The following SPIDR variants were observed in gnomAD, a reference collection of about 807,000 sequenced individuals.
SPIDR encodes the protein scaffold protein involved in DNA repair.
A neutral mutation model predicts 104.6 loss-of-function variants in SPIDR; 93 were observed. The observed-to-expected ratio is 0.89, with a 90% CI of 0.75 to 1.06. The LOEUF (loss-of-function observed/expected upper bound fraction) is 1.06. Among genes scored for constraint, SPIDR ranks in the 50% least tolerant of loss-of-function variants. The pLI, the probability that SPIDR is intolerant of heterozygous loss-of-function variation, is 0.00. For missense variants in SPIDR, 1,154 were observed against 1,111.2 expected (o/e 1.04, Z -0.55); for synonymous variants, 431 against 416.9 (o/e 1.03, Z -0.41).
At chr8:47,589,519 C>T (rs1427356790) in intron 8 of SPIDR, among the ~76,000 whole-genome samples, 2 of 149,670 alleles carry the variant, frequency 1.3e-5, no homozygotes, top group Admixed American at 1.3e-4. Flanking sequence ...AGCATGACTC[C>T]ATCTCAAAAC....
chr8:47,604,833 G>A (rs1213273619), intron 10 of SPIDR, among the ~76,000 whole-genome samples: 3 of 152,228 alleles, frequency 2.0e-5, no homozygotes, highest in Non-Finnish European at 2.9e-5. Flanking sequence ...GATGTCCTGT[G>A]AGAAAGCTGG....
intron 10 of SPIDR, among the ~76,000 whole-genome samples, chr8:47,629,708 C>T (rs746306603): frequency 1.3e-5 from 2 of 152,210 alleles, no homozygotes; most frequent in African/African-American, 4.8e-5. Context: ...GAGCCGAGAT[C>T]GTGCTACTGC....
intron 8 of SPIDR, among the ~76,000 whole-genome samples, chr8:47,480,396 T>A (rs1289989692): frequency 6.6e-6 from 1 of 152,220 alleles, no homozygotes; most frequent in Non-Finnish European, 1.5e-5. Context: ...GAGTATGTCC[T>A]AATTGAGTAA....
At chr8:47,502,567 G>C (rs528236268) in intron 8 of SPIDR, among the ~76,000 whole-genome samples, 1 of 151,966 alleles carries the variant, frequency 6.6e-6, no homozygotes, top group South Asian at 2.1e-4. Context: ...TATGAATTTT[G>C]TTGATCTTTT....
chr8:47,477,352 C>G (rs1386371145), intron 8 of SPIDR, among the ~76,000 whole-genome samples: 3 of 152,112 alleles, frequency 2.0e-5, no homozygotes, highest in Non-Finnish European at 4.4e-5. Flanking sequence ...GCTTGGCGAC[C>G]ACGCCCAGCT....
intron 8 of SPIDR, among the ~76,000 whole-genome samples, chr8:47,469,349 C>T (rs2154356905): frequency 6.6e-6 from 1 of 152,212 alleles, no homozygotes; most frequent in Non-Finnish European, 1.5e-5. Flanking sequence ...TCATTTGACT[C>T]AGAAATCCCA....
chr8:47,483,798 C>G (rs1383972948), intron 8 of SPIDR, among the ~76,000 whole-genome samples: 1 of 152,096 alleles, frequency 6.6e-6, no homozygotes, highest in Admixed American at 6.6e-5. Flanking sequence ...ATCTGAAAAC[C>G]TTGGTCACCT....
At chr8:47,580,837 A>G (rs964757839) in intron 8 of SPIDR, among the ~76,000 whole-genome samples, 6 of 152,200 alleles carry the variant, frequency 3.9e-5, no homozygotes, top group Non-Finnish European at 7.3e-5. Context: ...ACCCTTGCAC[A>G]TGTCAGATAC....
At chr8:47,554,945 G>C (rs1226120896) in intron 8 of SPIDR, among the ~76,000 whole-genome samples, 3 of 152,184 alleles carry the variant, frequency 2.0e-5, no homozygotes, top group African/African-American at 4.8e-5. Flanking sequence ...TGGCCTGTAA[G>C]TTTGATCATT....
chr8:47,417,763 C>A (rs2064623929), intron 7 of SPIDR, among the ~76,000 whole-genome samples: 2 of 152,158 alleles, frequency 1.3e-5, no homozygotes, highest in African/African-American at 4.8e-5. Context: ...TTAGGTCTAA[C>A]ATGTAAGTCT....
chr8:47,386,602 G>A (rs1255958063), intron 5 of SPIDR, among the ~76,000 whole-genome samples: 1 of 152,068 alleles, frequency 6.6e-6, no homozygotes, highest in Admixed American at 6.5e-5. Context: ...AGCCACTGAA[G>A]TGTCATCCCT....
rs537968141 is a variant in SPIDR, at chr8:47,388,990, G to A, written c.526-7386G>A. On this transcript the variant is annotated intron_variant, in intron 5 of 19. Coordinates refer to ENST00000297423, the MANE Select transcript of SPIDR (RefSeq NM_001080394.4). ...CTCCTTGCCTCATGCCAGTGTTGTT[G>A]TTTGTGATATTTACTCACTAAATCA... Among the ~76,000 whole-genome samples the A allele has an allele frequency of 1.1e-4, 16 of 152,274 alleles. No homozygotes were observed. The South Asian group carries it at 3.3e-3, about 32-fold the overall frequency.
At chr8:47,456,556 TAAAC>T (rs1333615327) in intron 8 of SPIDR, among the ~76,000 whole-genome samples, 2 of 152,182 alleles carry the variant, frequency 1.3e-5, no homozygotes, top group Non-Finnish European at 2.9e-5. Flanking sequence ...ATGTGGAAAT[TAAAC>T]AACACAGCCT....
chr8:47,371,159 A>AT (rs2057975697), intron 5 of SPIDR, among the ~76,000 whole-genome samples: 1 of 151,622 alleles, frequency 6.6e-6, no homozygotes. Flanking sequence ...GAAAAAAAAA[A>AT]GAAAACCATT....
chr8:47,452,824 C>T (rs1222907021), intron 8 of SPIDR, among the ~76,000 whole-genome samples: 1 of 152,128 alleles, frequency 6.6e-6, no homozygotes, highest in Non-Finnish European at 1.5e-5. Flanking sequence ...CCCTCTCTCA[C>T]CACTCCTATT....
intron 10 of SPIDR, among the ~76,000 whole-genome samples, chr8:47,614,066 T>G (rs1318715477): frequency 6.6e-6 from 1 of 152,100 alleles, no homozygotes; most frequent in Non-Finnish European, 1.5e-5. Flanking sequence ...TTCCCTTCCC[T>G]GTGTCCATAA....
chr8:47,603,693 C>T lies in SPIDR; in HGVS notation c.1544+4497C>T, dbSNP rs186982294. ...GACTACAGGCGTGAGCCACCATACC[C>T]GGCCAACTAATGTAATCTCTGTCCT... On this transcript the variant is annotated intron_variant, in intron 10 of 19. Transcript: ENST00000297423. 6.0e-4 allele frequency among the ~76,000 whole-genome samples: 91 copies of T among 152,202 alleles called. 1 individual carries two copies. The highest frequency in any genetic ancestry group is 2.1e-3 in the African/African-American group (88 of 41,526).
intron 8 of SPIDR, among the ~76,000 whole-genome samples, chr8:47,502,229 C>T (rs1456252071): frequency 1.3e-5 from 2 of 152,194 alleles, no homozygotes; most frequent in East Asian, 1.9e-4. Context: ...CCAGCTCCTC[C>T]TTGTACCTCT....
In SPIDR at chr8:47,668,464, C is replaced by G. The variant is rs1227248578; in HGVS notation, c.1545-5337C>G. Among the ~76,000 whole-genome samples, 3 of 150,940 alleles carry G rather than the reference C, an allele frequency of 2.0e-5. No homozygotes were observed. In the East Asian group the frequency reaches 5.8e-4, roughly 29 times the overall value. On this transcript the variant is annotated intron_variant, in intron 10 of 19. Coordinates refer to ENST00000297423, the MANE Select transcript of SPIDR (RefSeq NM_001080394.4). ...CATTTGATAAGCTCCAACATCCATTCATGATTTAAAAAAAAAAAAAATTCC... is the reference window on the plus strand; with the variant it reads ...CATTTGATAAGCTCCAACATCCATTGATGATTTAAAAAAAAAAAAAATTCC...
Sources: allele counts gnomAD v4.1 joint callset (sites outside exome capture counted in the v4.1 genomes callset), GRCh38; gene constraint gnomAD v4.1.1; transcripts MANE v1.5; gene names NCBI Gene and HGNC (gene_info 2026-07-23, HGNC 2026-07-21).